The following MTHFD2L variants were observed in gnomAD, a reference collection of about 807,000 sequenced individuals.
MTHFD2L encodes methylenetetrahydrofolate dehydrogenase (NADP+ dependent) 2 like, also known as bifunctional methylenetetrahydrofolate dehydrogenase/cyclohydrolase 2, mitochondrial.
Under a neutral mutation model 34.9 loss-of-function variants are expected in MTHFD2L, and 29 were observed. The ratio of observed to expected loss-of-function variants is 0.83; its 90% CI spans 0.62 to 1.13. The LOEUF is 1.13. Among genes scored for constraint, MTHFD2L ranks in the 50% most tolerant of loss-of-function variants. The pLI is 0.00. For synonymous variants in MTHFD2L, 167 were observed against 155.7 expected (o/e 1.07, Z -0.54); for missense variants, 481 against 446.5 (o/e 1.08, Z -0.70).
intron 6 of MTHFD2L, among the ~76,000 whole-genome samples, chr4:74,277,507 G>A (rs1435108246): frequency 6.6e-6 from 1 of 151,928 alleles, no homozygotes; most frequent in African/African-American, 2.4e-5. Context: ...AAGAGCTGGG[G>A]CAGCCAAGGT....
intron 6 of MTHFD2L, among the ~76,000 whole-genome samples, chr4:74,260,022 T>C (rs1744487749): frequency 6.6e-6 from 1 of 152,106 alleles, no homozygotes; most frequent in African/African-American, 2.4e-5. Context: ...GCACTTATGA[T>C]CATGCTCCAC....
intron 3 of MTHFD2L, among the ~76,000 whole-genome samples, chr4:74,191,816 C>CA (rs1235279972): frequency 1.3e-5 from 2 of 152,080 alleles, no homozygotes; most frequent in African/African-American, 4.8e-5. Flanking sequence ...CTCAGCCTCC[C>CA]AAAGTGCTAG....
At chr4:74,137,428 C>T (rs1053565401) in intron 1 of MTHFD2L, among the ~76,000 whole-genome samples, 2 of 152,058 alleles carry the variant, frequency 1.3e-5, no homozygotes, top group Non-Finnish European at 2.9e-5. Context: ...ATCATCCCAT[C>T]CCAGTTAAAA....
chr4:74,123,507 A>T (rs1397148085), upstream of MTHFD2L: 2 of 152,032 alleles, frequency 1.3e-5, no homozygotes, highest in African/African-American at 4.8e-5. Flanking sequence ...ATGCTTTGAG[A>T]TTTGCTTATT....
chr4:74,288,334 T>A (rs1748459722), intron 7 of MTHFD2L: 1 of 152,148 alleles, frequency 6.6e-6, no homozygotes. Context: ...AACAATAAAA[T>A]CCATCTTTAA....
At chr4:74,118,635 G>A (rs546362913), upstream of MTHFD2L, among the ~76,000 whole-genome samples, 20 of 152,272 alleles carry the variant, frequency 1.3e-4, no homozygotes, top group South Asian at 4.1e-3. Context: ...AAGAAGAGGA[G>A]AAGACACCAG....
chr4:74,254,419 A>G (rs993795146), intron 6 of MTHFD2L, among the ~76,000 whole-genome samples: 2 of 152,222 alleles, frequency 1.3e-5, no homozygotes, highest in Non-Finnish European at 2.9e-5. Context: ...GAGAACCCGC[A>G]TAAGATTTCT....
At chr4:74,154,977 T>C (rs1724153971), upstream of MTHFD2L, among the ~76,000 whole-genome samples, 1 of 152,136 alleles carries the variant, frequency 6.6e-6, no homozygotes, top group Non-Finnish European at 1.5e-5. Context: ...CCTCCTCCCA[T>C]TGCTTATCTG....
In MTHFD2L at chr4:74,272,179, C is replaced by T. The variant is rs544920054; in HGVS notation, c.806-9246C>T. Among the ~76,000 whole-genome samples the T allele has an allele frequency of 2.0e-5, 3 of 152,242 alleles. No individual in the cohort carries two copies. In the East Asian group the frequency reaches 5.8e-4, roughly 29 times the overall value. ...TTAAGAAAGAGATAAATCAGGACATCATTTAATCTGGCAACTCCCCTTTCA... is the reference window on the plus strand; with the variant it reads ...TTAAGAAAGAGATAAATCAGGACATTATTTAATCTGGCAACTCCCCTTTCA... On this transcript the variant is annotated intron_variant, in intron 6 of 7. Coordinates refer to ENST00000325278, the MANE Select transcript of MTHFD2L (RefSeq NM_001144978.3).
At chr4:74,211,951 A>C (rs1560492828) in intron 5 of MTHFD2L, among the ~76,000 whole-genome samples, 1 of 151,942 alleles carries the variant, frequency 6.6e-6, no homozygotes, top group Non-Finnish European at 1.5e-5. Context: ...CATTTCTTCT[A>C]GATTTTCTAG....
chr4:74,171,257 GTATT>G (rs1427048687), intron 1 of MTHFD2L, among the ~76,000 whole-genome samples: 10 of 152,080 alleles, frequency 6.6e-5, no homozygotes, highest in African/African-American at 1.9e-4. Context: ...TTCAACATCA[GTATT>G]CGTTAAGGGA....
chr4:74,199,709 G>A (rs1734082452), intron 3 of MTHFD2L, 85 bp from the exon 4 acceptor site: 4 of 1,144,718 alleles, frequency 3.5e-6, no homozygotes, highest in Non-Finnish European at 4.9e-6. Flanking sequence ...TATAAGTGAT[G>A]TGGCTTTAGA....
chr4:74,272,732 G>C (rs543904831), intron 6 of MTHFD2L, among the ~76,000 whole-genome samples: 7 of 152,090 alleles, frequency 4.6e-5, no homozygotes, highest in Non-Finnish European at 1.0e-4. Context: ...GCAATAGGCT[G>C]TTTCCCGTTT....
intron 6 of MTHFD2L, among the ~76,000 whole-genome samples, chr4:74,249,210 G>A (rs1742951725): frequency 6.7e-6 from 1 of 150,032 alleles, no homozygotes; most frequent in South Asian, 2.1e-4. Flanking sequence ...TCTTCTTGTT[G>A]AATTGATCCC....
intron 6 of MTHFD2L, among the ~76,000 whole-genome samples, chr4:74,244,841 A>G (rs537096965): frequency 2.0e-5 from 3 of 152,274 alleles, no homozygotes; most frequent in African/African-American, 7.2e-5. Flanking sequence ...GGCTAGTAAA[A>G]CACTCCTGCC....
chr4:74,118,707 C>A (rs747078763), upstream of MTHFD2L, among the ~76,000 whole-genome samples: 6 of 152,204 alleles, frequency 3.9e-5, no homozygotes, highest in Non-Finnish European at 8.8e-5. Context: ...GAGCCAAGAA[C>A]TGACAGTGGT....
intron 1 of MTHFD2L, among the ~76,000 whole-genome samples, chr4:74,137,123 C>T (rs888984103): frequency 6.6e-6 from 1 of 152,074 alleles, no homozygotes; most frequent in Admixed American, 6.5e-5. Context: ...ATTGGGATTA[C>T]ATCAAACTAT....
chr4:74,245,024 C>A (rs1048133777), intron 6 of MTHFD2L, among the ~76,000 whole-genome samples: 1 of 151,890 alleles, frequency 6.6e-6, no homozygotes, highest in African/African-American at 2.4e-5. Flanking sequence ...GAAACCCCGT[C>A]TCTACTAAAA....
chr4:74,300,514 G>T (rs1415049023), intron 7 of MTHFD2L, among the ~76,000 whole-genome samples: 1 of 151,982 alleles, frequency 6.6e-6, no homozygotes, highest in Non-Finnish European at 1.5e-5. Context: ...CATCTAAATA[G>T]CATGTGGTTA....
Sources: allele counts gnomAD v4.1 joint callset (sites outside exome capture counted in the v4.1 genomes callset), GRCh38; gene constraint gnomAD v4.1.1; transcripts MANE v1.5; gene names NCBI Gene and HGNC (gene_info 2026-07-23, HGNC 2026-07-21).